Variants in MYO9A observed in about 807,000 individuals in gnomAD.
The protein encoded by MYO9A is unconventional myosin-IXa.
A neutral mutation model predicts 293.3 loss-of-function variants in MYO9A; 103 were observed. The observed-to-expected ratio is 0.35, with a 90% CI of 0.30 to 0.41. MYO9A has a LOEUF of 0.41. MYO9A is among the 10% of genes least tolerant of loss of function. The pLI, the probability that MYO9A is intolerant of heterozygous loss-of-function variation, is 1.00. For missense variants in MYO9A, 2,685 were observed against 3,033.0 expected (o/e 0.89, Z 2.69); for synonymous variants, 1,001 against 1,035.7 (o/e 0.97, Z 0.64).
rs1403820679 is a variant in MYO9A at position 72,027,668 on chromosome 15, TA to T, written c.998+62del. The T allele has an allele frequency of 3.9e-6, 5 of 1,289,252 alleles. No individual in the cohort carries two copies. In the African/African-American group the frequency reaches 6.0e-5, roughly 15 times the overall value. The allele number at this position is 1,289,252 out of a possible 1,614,324, so 79.9% of individuals were successfully genotyped here. ...TAAGGGTCATAATACACAAAGACCTTAAAAGTCAGTCTGCGTGATACAAATG... is the reference window on the plus strand; with the variant it reads ...TAAGGGTCATAATACACAAAGACCTTAAAGTCAGTCTGCGTGATACAAATG... On this transcript the variant is annotated intron_variant, in intron 4 of 41. Coordinates refer to ENST00000356056, the MANE Select transcript of MYO9A (RefSeq NM_006901.4).
At chr15:71,885,298 T>C (rs548536766) in intron 27 of MYO9A, among the ~76,000 whole-genome samples, 19 of 152,142 alleles carry the variant, frequency 1.2e-4, no homozygotes, top group Non-Finnish European at 2.4e-4. Context: ...TCAGTATTTA[T>C]TTTTATTATG....
intron 26 of MYO9A, chr15:71,890,436 TC>T (rs2057142544): frequency 6.6e-6 from 1 of 152,110 alleles, no homozygotes; most frequent in Non-Finnish European, 1.5e-5. Context: ...CCTATACTAA[TC>T]CTATAAATAA....
At chr15:71,970,883 G>C (rs1430601682) in intron 12 of MYO9A, among the ~76,000 whole-genome samples, 2 of 152,102 alleles carry the variant, frequency 1.3e-5, no homozygotes, top group Non-Finnish European at 2.9e-5. Context: ...TCTCGGCCGG[G>C]CGCAGTGGCT....
intron 2 of MYO9A, among the ~76,000 whole-genome samples, chr15:72,041,807 C>T (rs572456034): frequency 6.6e-6 from 1 of 151,298 alleles, no homozygotes; most frequent in African/African-American, 2.4e-5. Flanking sequence ...TTATATAAAA[C>T]TTTATGAGAA....
chr15:71,955,967 T>C (rs964761521), intron 14 of MYO9A, among the ~76,000 whole-genome samples: 3 of 152,026 alleles, frequency 2.0e-5, no homozygotes, highest in African/African-American at 4.8e-5. Context: ...ATATAGAGTA[T>C]TGTATGATTC....
At chr15:71,959,843 A>T in intron 14 of MYO9A, 58 bp downstream of exon 14, 1 of 1,323,468 alleles carries the variant, frequency 7.6e-7, no homozygotes, top group Non-Finnish European at 1.0e-6. Context: ...GGAGAAGTAG[A>T]AAGGTAAAAA....
At position 72,055,492 on chromosome 15, in the gene MYO9A, C is replaced by A. The variant is rs377088778; in HGVS notation, c.-71-8858G>T. On this transcript the variant is annotated intron_variant, in intron 1 of 41. Coordinates refer to ENST00000356056, the MANE Select transcript of MYO9A (RefSeq NM_006901.4). The stretch of plus-strand genomic sequence containing the variant: ...GAATAAATGGGACTTAATTAAAGAG[C>A]CTTTGCACAGAAAAAGAAAAAATCA... Among the ~76,000 whole-genome samples, 50 of 152,190 alleles carry A rather than the reference C, an allele frequency of 3.3e-4. 3 individuals are homozygous for A. The South Asian group carries it at 0.01, about 32-fold the overall frequency.
At chr15:72,072,944 C>T (rs1470267192) in intron 1 of MYO9A, among the ~76,000 whole-genome samples, 1 of 152,136 alleles carries the variant, frequency 6.6e-6, no homozygotes, top group Non-Finnish European at 1.5e-5. Context: ...TATTATAGCA[C>T]TAGTCACAAA....
chr15:71,939,617 A>G (rs2058722612), intron 15 of MYO9A, among the ~76,000 whole-genome samples: 1 of 152,218 alleles, frequency 6.6e-6, no homozygotes, highest in Non-Finnish European at 1.5e-5. Flanking sequence ...TGTTCAGATA[A>G]ATACAATGAG....
intron 34 of MYO9A, among the ~76,000 whole-genome samples, chr15:71,858,854 TA>T (rs77677016): frequency 0.025 from 3,181 of 125,058 alleles, 40 homozygotes; most frequent in African/African-American, 0.048. Context: ...TAAAGTATAA[TA>T]AAAAAAAAAA....
chr15:71,855,093 C>T (rs1441403717), intron 34 of MYO9A, among the ~76,000 whole-genome samples: 1 of 152,144 alleles, frequency 6.6e-6, no homozygotes, highest in African/African-American at 2.4e-5. Flanking sequence ...TTTGTATGGA[C>T]TTGAATAGCG....
At chr15:71,860,387 T>C (rs2056066127) in intron 33 of MYO9A, among the ~76,000 whole-genome samples, 1 of 152,150 alleles carries the variant, frequency 6.6e-6, no homozygotes, top group African/African-American at 2.4e-5. Context: ...AAGAAAATGT[T>C]CAGAGCTAAA....
chr15:71,836,157 T>C (rs1249941679), intron 39 of MYO9A, among the ~76,000 whole-genome samples: 3 of 151,986 alleles, frequency 2.0e-5, no homozygotes, highest in East Asian at 3.8e-4. Flanking sequence ...CTGGAATTCA[T>C]AAAGAATCCC....
At chr15:72,011,818 G>C (rs1428799596) in intron 6 of MYO9A, among the ~76,000 whole-genome samples, 1 of 152,094 alleles carries the variant, frequency 6.6e-6, no homozygotes, top group African/African-American at 2.4e-5. Context: ...TATCTTCCTA[G>C]GGAATATTCT....
intron 1 of MYO9A, among the ~76,000 whole-genome samples, chr15:72,075,611 T>A (rs1310759330): frequency 1.3e-5 from 2 of 151,292 alleles, no homozygotes; most frequent in Non-Finnish European, 2.9e-5. Context: ...TTCAGAGAGG[T>A]CAACACAAAC....
rs1229658920 is a variant in MYO9A, at chr15:71,848,838, A to ATCTT, written c.6837+3_6837+6dup. 3.1e-6 allele frequency: 5 copies of ATCTT among 1,601,168 alleles called. No individual in the cohort carries two copies. Among genetic ancestry groups the ATCTT allele is most frequent in the Non-Finnish European group, 4.2e-6 (5 of 1,176,494 alleles). ...ATTTTTCCACTATTCCATGTGTTGC[A>ATCTT]TCTTACCATTGATCTACGAATCAGT... On this transcript the variant is annotated splice_region_variant and intron_variant, in intron 39 of 41. Coordinates refer to ENST00000356056, the MANE Select transcript of MYO9A (RefSeq NM_006901.4).
chr15:72,007,394 A>G (rs1474759751), intron 8 of MYO9A, among the ~76,000 whole-genome samples: 1 of 151,468 alleles, frequency 6.6e-6, no homozygotes, highest in East Asian at 1.9e-4. Context: ...CCCATAAGGG[A>G]AAAAAAAAAA....
chr15:72,060,471 C>A (rs2078847825), intron 1 of MYO9A, among the ~76,000 whole-genome samples: 1 of 152,164 alleles, frequency 6.6e-6, no homozygotes, highest in Admixed American at 6.5e-5. Flanking sequence ...GAACTGCCAA[C>A]ACCACCCTAT....
At chr15:71,931,653 T>C (rs2058479651) in intron 18 of MYO9A, among the ~76,000 whole-genome samples, 1 of 152,202 alleles carries the variant, frequency 6.6e-6, no homozygotes. Context: ...AGTAGTTTTC[T>C]GCCTTTACAT....
Sources: gnomAD v4.1 joint callset for allele counts (sites outside exome capture counted in the v4.1 genomes callset) on GRCh38, gnomAD v4.1.1 for gene constraint, MANE v1.5 for transcripts, NCBI Gene and HGNC (gene_info 2026-07-23, HGNC 2026-07-21) for gene names.